KRTAP13-3: variants seen among roughly 807,000 people sequenced by gnomAD.
KRTAP13-3 encodes keratin associated protein 13-3, also known as keratin-associated protein 13-3.
For synonymous variants in KRTAP13-3, 98 were observed against 79.4 expected, an observed-to-expected ratio of 1.23 and a Z score of -1.25; for missense variants, 243 against 202.8, an observed-to-expected ratio of 1.20 and a Z score of -1.20.
At chr21:30,425,694 G>A in exon 1 of KRTAP13-3, 1 of 1,614,100 alleles carries the variant, frequency 6.2e-7, no homozygotes, top group Non-Finnish European at 8.5e-7. Context: ...GGCAGGGGCT[G>A]GACTCAACAC....
At chr21:30,425,865 C>A in exon 1 of KRTAP13-3, 4 of 1,613,918 alleles carry the variant, frequency 2.5e-6, no homozygotes, top group Non-Finnish European at 3.4e-6. Flanking sequence ...GCAAGTAACC[C>A]CCGTGGGAGC....
exon 1 of KRTAP13-3, chr21:30,425,702 C>A (rs1457340108): frequency 1.2e-6 from 2 of 1,613,962 alleles, no homozygotes; most frequent in South Asian, 1.1e-5. Flanking sequence ...CTGGACTCAA[C>A]ACACAATGTC....
rs769997807 is a variant in KRTAP13-3, at chr21:30,425,753, T to G, written c.160A>C (p.Arg54=). 9.9e-6 allele frequency: 16 copies of G among 1,614,070 alleles called. No homozygotes were observed. In the South Asian group the frequency reaches 1.5e-4, roughly 16 times the overall value. ...CTCCAGCAGGTCTCCTGACAGCCCCTATAGAGAGAGGAACCCAGCTGGCAG... is the reference window on the plus strand; with the variant it reads ...CTCCAGCAGGTCTCCTGACAGCCCCGATAGAGAGAGGAACCCAGCTGGCAG... The change falls in exon 1 of 1, where the codon AGG becomes CGG. Residue 54 remains arginine, a synonymous_variant. Transcript: ENST00000390690.
At chr21:30,425,586 G>A in exon 1 of KRTAP13-3, 1 of 1,614,086 alleles carries the variant, frequency 6.2e-7, no homozygotes, top group Non-Finnish European at 8.5e-7. Context: ...CACAGCTCAG[G>A]GAGCAGCAGC....
exon 1 of KRTAP13-3, chr21:30,425,668 T>C (rs1208797430): frequency 6.2e-7 from 1 of 1,613,526 alleles, no homozygotes; most frequent in Non-Finnish European, 8.5e-7. Flanking sequence ...AGTCCTGGGG[T>C]AGTAGCAGGA....
exon 1 of KRTAP13-3, chr21:30,425,918 C>T (rs187314628): frequency 3.1e-5 from 49 of 1,604,916 alleles, no homozygotes; most frequent in Middle Eastern, 3.3e-4. Context: ...GACATGTTGA[C>T]GGGAAGATGT....
rs746858252 is a variant in KRTAP13-3 at position 30,425,442 on chromosome 21, C to G, written c.471G>C (p.Trp157Cys). The change falls in exon 1 of 1, where the codon TGG (tryptophan) becomes TGC (cysteine). Residue 157 changes from tryptophan to cysteine, a missense_variant. Trp to Cys is a radical substitution (Grantham distance 215, BLOSUM62 -2). Coordinates refer to ENST00000390690, the Ensembl canonical transcript of KRTAP13-3. ...ATGGCTGATAACAAGATGAATGGAA[C>G]CACCTTCTAGGTGGAAAATAGATTG... 1.3e-5 allele frequency: 21 copies of G among 1,597,106 alleles called. No individual in the cohort carries two copies. In the East Asian group the frequency reaches 4.7e-4, roughly 36 times the overall value.
exon 1 of KRTAP13-3, chr21:30,425,679 G>A (rs767689917): frequency 5.6e-6 from 9 of 1,613,994 alleles, no homozygotes; most frequent in Non-Finnish European, 7.6e-6. Context: ...AGTAGCAGGA[G>A]GTGTGGCAGG....
At chr21:30,425,678 A>G (rs375455368) in exon 1 of KRTAP13-3, 7 of 1,613,980 alleles carry the variant, frequency 4.3e-6, no homozygotes, top group Non-Finnish European at 5.9e-6. Context: ...TAGTAGCAGG[A>G]GGTGTGGCAG....
At chr21:30,425,811 C>A in exon 1 of KRTAP13-3, 1 of 1,614,122 alleles carries the variant, frequency 6.2e-7, no homozygotes, top group African/African-American at 1.3e-5. Context: ...TGCTGTAGAC[C>A]AGGTTGCTGG....
chr21:30,425,594 A>G (rs372986017), exon 1 of KRTAP13-3: 40 of 1,614,028 alleles, frequency 2.5e-5, no homozygotes, highest in Non-Finnish European at 1.3e-5. Flanking sequence ...AGGGAGCAGC[A>G]GCTATTGGAT....
exon 1 of KRTAP13-3, chr21:30,425,810 C>T: frequency 6.2e-7 from 1 of 1,614,132 alleles, no homozygotes; most frequent in South Asian, 1.1e-5. Context: ...GTGCTGTAGA[C>T]CAGGTTGCTG....
At chr21:30,425,811 C>G in exon 1 of KRTAP13-3, 1 of 1,614,122 alleles carries the variant, frequency 6.2e-7, no homozygotes, top group South Asian at 1.1e-5. Flanking sequence ...TGCTGTAGAC[C>G]AGGTTGCTGG....
At chr21:30,425,501 G>T (rs754309333) in exon 1 of KRTAP13-3, 1 of 1,613,922 alleles carries the variant, frequency 6.2e-7, no homozygotes, top group Non-Finnish European at 8.5e-7. Context: ...CTCTGGGAAG[G>T]GGAGGTATGG....
exon 1 of KRTAP13-3, chr21:30,425,865 C>T: frequency 1.9e-6 from 3 of 1,613,918 alleles, no homozygotes; most frequent in Non-Finnish European, 2.5e-6. Flanking sequence ...GCAAGTAACC[C>T]CCGTGGGAGC....
At chr21:30,425,650 A>C in exon 1 of KRTAP13-3, 4 of 1,614,206 alleles carry the variant, frequency 2.5e-6, no homozygotes, top group Non-Finnish European at 3.4e-6. Context: ...AGAATTGCAG[A>C]GCATGTGAGT....
chr21:30,425,881 G>A (rs1984290592), exon 1 of KRTAP13-3: 3 of 1,613,672 alleles, frequency 1.9e-6, no homozygotes, highest in African/African-American at 2.7e-5. Flanking sequence ...GGAGCAGGAG[G>A]AGAAGTTTCT....
exon 1 of KRTAP13-3, chr21:30,425,393 G>T (rs1471105953): frequency 1.3e-6 from 2 of 1,543,640 alleles, no homozygotes; most frequent in Non-Finnish European, 8.7e-7. Context: ...CACCACATTA[G>T]TCAGTAGAAA....
At chr21:30,425,814 G>A (rs367628172) in exon 1 of KRTAP13-3, 134 of 1,614,104 alleles carry the variant, frequency 8.3e-5, no homozygotes, top group Admixed American at 3.8e-4. Context: ...TGTAGACCAG[G>A]TTGCTGGGGT....
Sources: gnomAD v4.1 joint callset for allele counts on GRCh38, gnomAD v4.1.1 for gene constraint, MANE v1.5 for transcripts, NCBI Gene and HGNC (gene_info 2026-07-23, HGNC 2026-07-21) for gene names.